Variants in GRIN3A observed in about 807,000 individuals in gnomAD.
The protein encoded by GRIN3A is glutamate receptor ionotropic, NMDA 3A.
A neutral mutation model predicts 92.4 loss-of-function variants in GRIN3A; 47 were observed. The observed-to-expected ratio is 0.51, with a 90% confidence interval of 0.40 to 0.65. The LOEUF is 0.65. Among genes scored for constraint, GRIN3A ranks in the 30% least tolerant of loss-of-function variants. The pLI, the probability that GRIN3A is intolerant of heterozygous loss-of-function variation, is 0.00. For synonymous variants in GRIN3A, 527 were observed against 540.6 expected, an observed-to-expected ratio of 0.97 and a Z score of 0.35; for missense variants, 1,324 against 1,393.1, an observed-to-expected ratio of 0.95 and a Z score of 0.79.
chr9:101,633,121 G>A (rs1018350154), intron 3 of GRIN3A, among the ~76,000 whole-genome samples: 10 of 152,104 alleles, frequency 6.6e-5, no homozygotes, highest in African/African-American at 9.7e-5. Context: ...AAAATGAGGC[G>A]AACTCGGGAA....
chr9:101,632,669 T>C (rs867081514), intron 3 of GRIN3A, among the ~76,000 whole-genome samples: 2 of 152,138 alleles, frequency 1.3e-5, no homozygotes, highest in Non-Finnish European at 2.9e-5. Context: ...TGAGATTATA[T>C]TGAAAAATAA....
At position 101,670,196 on chromosome 9, in the gene GRIN3A, C is replaced by G; in HGVS notation, c.2216G>C (p.Cys739Ser). 4 of 1,613,978 alleles carry G rather than the reference C, an allele frequency of 2.5e-6. No individual in the cohort carries two copies. The highest frequency in any genetic ancestry group is 2.2e-5 in the East Asian group (1 of 44,866). ...GTTCATTAGAAACCTTCCAGTCCAACATTTTGGAGGTTTGATGGCCACTGT... is the reference window on the plus strand; with the variant it reads ...GTTCATTAGAAACCTTCCAGTCCAAGATTTTGGAGGTTTGATGGCCACTGT... Reference protein sequence around the residue: ...GRTVAIKPPKCWTGRFLMNLW... With the variant: ...GRTVAIKPPKSWTGRFLMNLW... The change falls in exon 3 of 9, where the codon TGT becomes TCT. Residue 739 changes from cysteine to serine, a missense_variant. Coordinates refer to ENST00000361820, the MANE Select transcript of GRIN3A (RefSeq NM_133445.3).
rs112601215 is a variant in GRIN3A at position 101,657,689 on chromosome 9, G to A, written c.2352+12371C>T. ...TGCCATTTCACAGGGGGTGGTGGCAGGAGAGTGGGGCAGCATCTGAGACTG... is the reference window on the plus strand; with the variant it reads ...TGCCATTTCACAGGGGGTGGTGGCAAGAGAGTGGGGCAGCATCTGAGACTG... On this transcript the variant is annotated intron_variant, in intron 3 of 8. Transcript: ENST00000361820. 7.3e-3 allele frequency among the ~76,000 whole-genome samples: 1,104 copies of A among 152,068 alleles called. 8 individuals carry two copies. The highest frequency in any genetic ancestry group is 0.011 in the Non-Finnish European group (778 of 67,898).
intron 3 of GRIN3A, among the ~76,000 whole-genome samples, chr9:101,653,824 TA>T (rs991957506): frequency 2.0e-5 from 3 of 151,864 alleles, no homozygotes; most frequent in Admixed American, 2.0e-4. Context: ...TTAACTATGC[TA>T]AAACTCTATT....
intron 8 of GRIN3A, among the ~76,000 whole-genome samples, chr9:101,575,385 A>G (rs1345512386): frequency 6.6e-6 from 1 of 152,138 alleles, no homozygotes; most frequent in Non-Finnish European, 1.5e-5. Context: ...ATAATCTTAA[A>G]GTAATCTTGG....
At chr9:101,627,179 A>G (rs999043532) in intron 4 of GRIN3A, among the ~76,000 whole-genome samples, 8 of 152,196 alleles carry the variant, frequency 5.3e-5, no homozygotes, top group African/African-American at 1.9e-4. Context: ...GGGACTCTAA[A>G]CTTCATGTCA....
chr9:101,689,345 G>A (rs1177096023), intron 1 of GRIN3A, among the ~76,000 whole-genome samples: 2 of 152,060 alleles, frequency 1.3e-5, no homozygotes, highest in African/African-American at 4.8e-5. Context: ...CAATAATATG[G>A]CTTAAGAGTC....
intron 3 of GRIN3A, among the ~76,000 whole-genome samples, chr9:101,642,543 C>A (rs1371969603): frequency 6.6e-6 from 1 of 152,124 alleles, no homozygotes; most frequent in Non-Finnish European, 1.5e-5. Flanking sequence ...AAAGGGCAAC[C>A]TATGAAATGA....
At chr9:101,635,588 A>T (rs1187260267) in intron 3 of GRIN3A, among the ~76,000 whole-genome samples, 1 of 152,230 alleles carries the variant, frequency 6.6e-6, no homozygotes, top group Non-Finnish European at 1.5e-5. Context: ...GGTAAGGTTT[A>T]ATAAATGTCA....
At position 101,737,596 on chromosome 9, in the gene GRIN3A, G is replaced by A. The variant is rs1394211208; in HGVS notation, c.384C>T (p.Leu128=). The change falls in exon 1 of 9, where the codon CTC becomes CTT. Residue 128 remains leucine (L), a synonymous_variant. Coordinates refer to ENST00000361820, the MANE Select transcript of GRIN3A (RefSeq NM_133445.3). ...GGTTCAGGTTGTCCACGGCAAATAG[G>A]AGGGCGTCCCGTGGCCACAGGGCCT... ...RAEALWPRDA[L]LFAVDNLNRV... 6.2e-7 allele frequency: 1 copy of A among 1,613,812 alleles called. No individual in the cohort carries two copies. The highest frequency in any genetic ancestry group is 8.5e-7 in the Non-Finnish European group (1 of 1,180,018).
intron 3 of GRIN3A, among the ~76,000 whole-genome samples, chr9:101,637,092 A>T (rs539380771): frequency 1.3e-5 from 2 of 148,318 alleles, no homozygotes; most frequent in African/African-American, 4.9e-5. Context: ...TACACTGGAC[A>T]TTTTTTTTTT....
chr9:101,592,263 G>A (rs552556904), intron 6 of GRIN3A: 9 of 152,328 alleles, frequency 5.9e-5, no homozygotes, highest in African/African-American at 2.2e-4. Flanking sequence ...TTTAGAGTGG[G>A]TGTAGCTAAG....
intron 2 of GRIN3A, among the ~76,000 whole-genome samples, chr9:101,682,799 G>A (rs1829475478): frequency 2.0e-5 from 3 of 152,092 alleles, no homozygotes; most frequent in African/African-American, 4.8e-5. Context: ...TGGCTAACAC[G>A]GTGAAACCCC....
intron 1 of GRIN3A, among the ~76,000 whole-genome samples, chr9:101,703,352 T>C (rs1829776924): frequency 6.6e-6 from 1 of 152,204 alleles, no homozygotes; most frequent in South Asian, 2.1e-4. Flanking sequence ...CTTCTTCCTC[T>C]AGATCACTAT....
At chr9:101,624,209 A>AT (rs968716798) in intron 4 of GRIN3A, among the ~76,000 whole-genome samples, 2 of 151,118 alleles carry the variant, frequency 1.3e-5, no homozygotes, top group South Asian at 2.1e-4. Context: ...TTTTTTAAAA[A>AT]TTTTTTTTAT....
chr9:101,576,420 G>A (rs558316634), intron 8 of GRIN3A, among the ~76,000 whole-genome samples: 3 of 152,178 alleles, frequency 2.0e-5, no homozygotes, highest in Admixed American at 6.5e-5. Context: ...AAAATAAGGG[G>A]TTCAGGAAGG....
chr9:101,615,194 T>TAA (rs534330972), intron 5 of GRIN3A, among the ~76,000 whole-genome samples: 20,781 of 133,788 alleles, frequency 0.16, 2,893 homozygotes, highest in African/African-American at 0.39. Context: ...GACAGAATAG[T>TAA]AAAAAAAAAA....
intron 1 of GRIN3A, among the ~76,000 whole-genome samples, chr9:101,702,918 T>C (rs2119002763): frequency 6.6e-6 from 1 of 152,246 alleles, no homozygotes; most frequent in East Asian, 1.9e-4. Flanking sequence ...CACTCCTTAA[T>C]CCATCAGTTA....
chr9:101,676,409 T>C (rs1829395617), intron 2 of GRIN3A, among the ~76,000 whole-genome samples: 1 of 152,138 alleles, frequency 6.6e-6, no homozygotes, highest in East Asian at 1.9e-4. Flanking sequence ...CCCTGGGAAC[T>C]GTCTTTGTAT....
Sources: allele counts gnomAD v4.1 joint callset (sites outside exome capture counted in the v4.1 genomes callset), GRCh38; gene constraint gnomAD v4.1.1; transcripts MANE v1.5; gene names NCBI Gene and HGNC (gene_info 2026-07-23, HGNC 2026-07-21).